AGBL1: variants seen among roughly 807,000 people sequenced by gnomAD.
AGBL1 encodes AGBL carboxypeptidase 1.
In AGBL1, 130 loss-of-function variants were observed where a neutral mutation model predicts 118.9. The ratio of observed to expected loss-of-function variants is 1.09; its 90% confidence interval spans 0.95 to 1.26. The LOEUF is 1.26. Among genes scored for constraint, AGBL1 ranks in the 50% most tolerant of loss-of-function variants. The probability of loss-of-function intolerance (pLI) is 0.00; values close to 1 mark genes in which losing one functional copy is unlikely to be tolerated. For synonymous variants in AGBL1, 555 were observed against 478.9 expected (o/e 1.16, Z -2.08); for missense variants, 1,584 against 1,298.1 (o/e 1.22, Z -3.38).
rs140854859 is a variant in AGBL1, at chr15:86,795,065, T to G, written c.3159-112022T>G. ...AAACAGCTTCAGGCTCAGGGCCATC[T>G]GCTAAAGATCAGCTGAAAAAAGTGG... On this transcript the variant is annotated intron_variant, in intron 22 of 22. Coordinates refer to ENST00000614907, the MANE Select transcript of AGBL1 (RefSeq NM_001386094.1). Among the ~76,000 whole-genome samples the G allele has an allele frequency of 9.7e-3, 1,475 of 152,352 alleles. 23 individuals carry two copies. Among genetic ancestry groups the G allele is most frequent in the Middle Eastern group, 0.051 (15 of 294 alleles).
At chr15:86,859,506 T>C (rs1383883587) in intron 22 of AGBL1, among the ~76,000 whole-genome samples, 1 of 152,030 alleles carries the variant, frequency 6.6e-6, no homozygotes, top group Admixed American at 6.6e-5. Flanking sequence ...CCATGAAGAG[T>C]ACTGTCCCAT....
chr15:86,701,718 C>T (rs1396079209), intron 22 of AGBL1, among the ~76,000 whole-genome samples: 1 of 143,714 alleles, frequency 7.0e-6, no homozygotes, highest in East Asian at 2.2e-4. Context: ...CTGCCTTCCA[C>T]TCCCTTCCCT....
At chr15:86,673,487 T>C (rs909243749) in intron 21 of AGBL1, among the ~76,000 whole-genome samples, 1 of 152,240 alleles carries the variant, frequency 6.6e-6, no homozygotes, top group African/African-American at 2.4e-5. Flanking sequence ...TATTAGCCTC[T>C]GGTACTTACT....
intron 22 of AGBL1, among the ~76,000 whole-genome samples, chr15:86,827,360 T>C (rs1293980683): frequency 0.011 from 89 of 8,086 alleles, 11 homozygotes; most frequent in East Asian, 0.12. Flanking sequence ...TATATATATA[T>C]ATGTGTGTGT....
chr15:86,217,200 T>C (rs1295033761), intron 5 of AGBL1, among the ~76,000 whole-genome samples: 1 of 152,226 alleles, frequency 6.6e-6, no homozygotes, highest in Non-Finnish European at 1.5e-5. Context: ...TTTCTTTCAC[T>C]TTAATTCCCT....
chr15:86,846,262 T>G, intron 22 of AGBL1, among the ~76,000 whole-genome samples: 1 of 152,336 alleles, frequency 6.6e-6, no homozygotes, highest in South Asian at 2.1e-4. Context: ...TTTTGAAGGA[T>G]AGTGTTCCTG....
intron 17 of AGBL1, among the ~76,000 whole-genome samples, chr15:86,395,122 GGT>G (rs2081344131): frequency 6.6e-6 from 1 of 152,026 alleles, no homozygotes; most frequent in African/African-American, 2.4e-5. Context: ...CTGACTCTAT[GGT>G]TGAGAATGTC....
At chr15:86,744,789 T>C (rs1327345759) in intron 22 of AGBL1, among the ~76,000 whole-genome samples, 1 of 152,150 alleles carries the variant, frequency 6.6e-6, no homozygotes, top group East Asian at 1.9e-4. Context: ...AGTTAATACA[T>C]AGTTTTGAGA....
At position 86,143,763 on chromosome 15, in the gene AGBL1, G is replaced by A. The variant is rs372254095; in HGVS notation, c.180G>A (p.Leu60=). The A allele has an allele frequency of 6.2e-7, 1 of 1,613,920 alleles. No individual in the cohort carries two copies. The highest frequency in any genetic ancestry group is 1.1e-5 in the South Asian group (1 of 91,088). ...KGGSEALLQT[L]VDTARTAPPD... ...GCAGTGAAGCTCTTCTGCAGACCCT[G>A]GTAGACACAGCGAGGACAGCTCCTC... The change falls in exon 3 of 23, where the codon CTG becomes CTA. Residue 60 remains leucine (L), a synonymous_variant. Transcript: ENST00000614907.
chr15:86,778,777 A>C (rs763309308), intron 22 of AGBL1, among the ~76,000 whole-genome samples: 9 of 152,164 alleles, frequency 5.9e-5, no homozygotes, highest in Non-Finnish European at 1.3e-4. Flanking sequence ...GGCAACATAC[A>C]TCCTCCTCAG....
chr15:86,306,242 C>T (rs2141813267), intron 17 of AGBL1, among the ~76,000 whole-genome samples: 1 of 152,158 alleles, frequency 6.6e-6, no homozygotes, highest in Non-Finnish European at 1.5e-5. Context: ...ATTGGGCTAT[C>T]AAATAGTAGG....
chr15:86,166,039 A>G (rs2077337004), intron 5 of AGBL1, among the ~76,000 whole-genome samples: 1 of 152,172 alleles, frequency 6.6e-6, no homozygotes, highest in Non-Finnish European at 1.5e-5. Flanking sequence ...AAGTTGTAGG[A>G]TCTAAAGTTC....
intron 1 of AGBL1, among the ~76,000 whole-genome samples, chr15:86,111,470 G>A (rs530473563): frequency 2.0e-5 from 3 of 152,304 alleles, no homozygotes; most frequent in East Asian, 3.9e-4. Context: ...GAGATGGGGA[G>A]AGTTTTTGGC....
At chr15:86,904,676 T>G (rs2080258085) in intron 22 of AGBL1, among the ~76,000 whole-genome samples, 1 of 149,172 alleles carries the variant, frequency 6.7e-6, no homozygotes, top group Non-Finnish European at 1.5e-5. Flanking sequence ...ATATATTACA[T>G]GTATTTTATT....
chr15:86,858,190 G>A (rs946880697), intron 22 of AGBL1, among the ~76,000 whole-genome samples: 1 of 152,088 alleles, frequency 6.6e-6, no homozygotes, highest in Non-Finnish European at 1.5e-5. Context: ...TGCTATAAGA[G>A]GGTATCACAG....
At chr15:86,297,661 T>C (rs915162250) in intron 17 of AGBL1, among the ~76,000 whole-genome samples, 2 of 152,210 alleles carry the variant, frequency 1.3e-5, no homozygotes, top group Admixed American at 1.3e-4. Context: ...TCCCACTCCC[T>C]GAAAATACTA....
intron 5 of AGBL1, among the ~76,000 whole-genome samples, chr15:86,166,875 A>G (rs753082978): frequency 6.6e-6 from 1 of 152,128 alleles, no homozygotes; most frequent in Non-Finnish European, 1.5e-5. Context: ...GAGGCCTTAC[A>G]TGCACCACTT....
rs1396528165 is a variant in AGBL1, at chr15:86,910,890, A to G, written c.*3596A>G. 1 of 152,154 alleles carries G rather than the reference A, an allele frequency of 6.6e-6. No homozygotes were observed. Among genetic ancestry groups the G allele is most frequent in the Non-Finnish European group, 1.5e-5 (1 of 68,040 alleles). 9.4% of individuals were successfully genotyped at this position (152,154 alleles called of 1,614,324 possible). A position where few individuals can be genotyped will look rare whatever the true frequency, so the allele number is the denominator to read the frequency against. The stretch of plus-strand genomic sequence containing the variant: ...TCCTTTCCTGCTAGGACTGAAGGCT[A>G]TCTTGTGTCAAATCTCACCAGTCTT... On this transcript the variant is annotated 3_prime_UTR_variant, in exon 23 of 23. Transcript: ENST00000614907.
At chr15:86,858,044 G>A (rs183709622) in intron 22 of AGBL1, among the ~76,000 whole-genome samples, 6 of 152,026 alleles carry the variant, frequency 3.9e-5, no homozygotes, top group Admixed American at 2.0e-4. Context: ...CTCTGCCCAC[G>A]TAACACCTTA....
Sources: allele counts gnomAD v4.1 joint callset (sites outside exome capture counted in the v4.1 genomes callset), GRCh38; gene constraint gnomAD v4.1.1; transcripts MANE v1.5; gene names NCBI Gene and HGNC (gene_info 2026-07-23, HGNC 2026-07-21).